KCNQ2: variants seen among roughly 807,000 people sequenced by gnomAD.
KCNQ2 encodes the protein potassium voltage-gated channel subfamily KQT member 2.
In KCNQ2, 14 loss-of-function variants were observed where a neutral mutation model predicts 84.8. The observed-to-expected ratio is 0.17, with a 90% confidence interval of 0.11 to 0.26. The LOEUF (loss-of-function observed/expected upper bound fraction) is 0.26. Among genes scored for constraint, KCNQ2 ranks in the 10% least tolerant of loss-of-function variants. KCNQ2 has a pLI of 1.00. For synonymous variants in KCNQ2, 599 were observed against 554.1 expected (o/e 1.08, Z -1.14); for missense variants, 788 against 1,254.0 (o/e 0.63, Z 5.61).
chr20:63,415,043 G>A lies in KCNQ2; in HGVS notation c.1385C>T (p.Thr462Ile). 6.2e-7 allele frequency: 1 copy of A among 1,608,830 alleles called. No individual in the cohort carries two copies. Among genetic ancestry groups the A allele is most frequent in the South Asian group, 1.1e-5 (1 of 91,082 alleles). Residue 462 changes from threonine (T) to isoleucine (I), a missense_variant, in exon 13 of 17, where the codon ACT becomes ATT. Coordinates refer to ENST00000359125, the MANE Select transcript of KCNQ2 (RefSeq NM_172107.4). The part of the protein sequence containing the change: ...AKGKGSPQAQ[T>I]VRRSPSADQS... ...GTCGGCGCTGGGTGACCGCCTCACA[G>A]TCTGGGCCTGCGGGGACCCCTTCCC...
At position 63,433,824 on chromosome 20, in the gene KCNQ2, G is replaced by T. The variant is rs900170305; in HGVS notation, c.1103C>A (p.Thr368Asn). Reference sequence around the variant, plus strand: ...GCGGCGGTACCTGTACATGGGCACGGTGACCGTTCGCTCGTAGTACTGCCA... The same window carrying T: ...GCGGCGGTACCTGTACATGGGCACGTTGACCGTTCGCTCGTAGTACTGCCA... ...STWQYYERTV[T>N]VPMYSSQTQT... Residue 368 changes from threonine (T) to asparagine (N), a missense_variant, in exon 8 of 17, where the codon ACC becomes AAC. By Grantham distance (65) the Thr-to-Asn change is moderately conservative. Coordinates refer to ENST00000359125, the MANE Select transcript of KCNQ2 (RefSeq NM_172107.4). 3.1e-6 allele frequency: 5 copies of T among 1,613,848 alleles called. No individual in the cohort carries two copies. In the East Asian group the frequency reaches 6.7e-5, roughly 22 times the overall value.
intron 12 of KCNQ2, among the ~76,000 whole-genome samples, chr20:63,415,376 A>G (rs1264597440): frequency 1.2e-4 from 10 of 82,772 alleles, no homozygotes; most frequent in East Asian, 8.6e-4. Context: ...GGCCACGGGG[A>G]CCGAGCACCC....
Position 63,446,127 on chromosome 20 carries a change from G to C in KCNQ2, c.387+620C>G. On this transcript the variant is annotated intron_variant, in intron 2 of 16. Transcript: ENST00000359125. The surrounding 1 kb of genome is among the most constrained non-coding windows in gnomAD (Gnocchi z 5.5). Reference sequence around the variant, plus strand: ...TGAGCCAGTGGGGGACCTGCCTTGAGTTGGGGGGTGCACAGCAGGGCTGAG... The same window carrying C: ...TGAGCCAGTGGGGGACCTGCCTTGACTTGGGGGGTGCACAGCAGGGCTGAG... The C allele has an allele frequency of 3.3e-6, 1 of 299,992 alleles. No homozygotes were observed. Among genetic ancestry groups the C allele is most frequent in the Non-Finnish European group, 6.4e-6 (1 of 156,252 alleles). The allele number at this position is 299,992 out of a possible 1,614,324, so 18.6% of individuals were successfully genotyped here.
intron 11 of KCNQ2, among the ~76,000 whole-genome samples, chr20:63,420,990 G>A (rs771722840): frequency 3.3e-5 from 5 of 152,080 alleles, no homozygotes; most frequent in Admixed American, 6.5e-5. Context: ...CCCCAGCTAC[G>A]ATGACACCCA....
Position 63,460,199 on chromosome 20 carries a change from C to T in KCNQ2, c.296+11969G>A, listed in dbSNP as rs2081914020. On this transcript the variant is annotated intron_variant, in intron 1 of 16. Transcript: ENST00000359125. This position sits in a 1 kb window ranked among gnomAD's most constrained non-coding sequence, Gnocchi z 5.4. Reference sequence around the variant, plus strand: ...ACCCCTGCTTGGCCTGGCCTGGGCTCCTGACCCTGCAGGTCCCTCCCTGGC... The same window carrying T: ...ACCCCTGCTTGGCCTGGCCTGGGCTTCTGACCCTGCAGGTCCCTCCCTGGC... Among the ~76,000 whole-genome samples, 1 of 152,156 alleles carries T rather than the reference C, an allele frequency of 6.6e-6. No individual in the cohort carries two copies. Among genetic ancestry groups the T allele is most frequent in the Admixed American group, 6.5e-5 (1 of 15,288 alleles).
At position 63,433,967 on chromosome 20, in the gene KCNQ2, C is replaced by G. The variant is rs532952076; in HGVS notation, c.1024-64G>C. 4 of 1,476,234 alleles carry G rather than the reference C, an allele frequency of 2.7e-6. No homozygotes were observed. In the South Asian group the frequency reaches 4.6e-5, roughly 17 times the overall value. 91.4% of individuals were successfully genotyped at this position (1,476,234 alleles called of 1,614,324 possible). On this transcript the variant is annotated intron_variant, in intron 7 of 16. Coordinates refer to ENST00000359125, the MANE Select transcript of KCNQ2 (RefSeq NM_172107.4). Reference sequence around the variant, plus strand: ...CGGCGAGGGGCGCGCCCAGGAGGGCCGGGCGTGGAGGGAACGGGGCAGAGG... The same window carrying G: ...CGGCGAGGGGCGCGCCCAGGAGGGCGGGGCGTGGAGGGAACGGGGCAGAGG...
chr20:63,470,284 G>T (rs1300089008), intron 1 of KCNQ2, among the ~76,000 whole-genome samples: 5 of 152,228 alleles, frequency 3.3e-5, no homozygotes, highest in Non-Finnish European at 5.9e-5. Context: ...AGGAGCTGAG[G>T]AGAGGCCTAG....
chr20:63,410,195 G>A (rs1029939135), intron 15 of KCNQ2, among the ~76,000 whole-genome samples: 4 of 152,144 alleles, frequency 2.6e-5, no homozygotes, highest in African/African-American at 9.7e-5. Flanking sequence ...CCTGGTGTTC[G>A]GGGCATCCAC....
chr20:63,405,278 C>G lies in KCNQ2; in HGVS notation c.*1366G>C, dbSNP rs3787133. 6.6e-6 allele frequency: 1 copy of G among 152,286 alleles called. No individual in the cohort carries two copies. The highest frequency in any genetic ancestry group is 2.4e-5 in the African/African-American group (1 of 41,428). 9.4% of individuals were successfully genotyped at this position (152,286 alleles called of 1,614,324 possible). The stretch of plus-strand genomic sequence containing the variant: ...TCTCCAGGGAGCCCAGGCCCGCCTG[C>G]GACGCCGTCACGCCAAATGCCAGAT... On this transcript the variant is annotated 3_prime_UTR_variant, in exon 17 of 17. Coordinates refer to ENST00000359125, the MANE Select transcript of KCNQ2 (RefSeq NM_172107.4).
At position 63,438,552 on chromosome 20, in the gene KCNQ2, G is replaced by A; in HGVS notation, c.1023+73C>T. The A allele has an allele frequency of 3.1e-6, 4 of 1,278,360 alleles. No homozygotes were observed. Among genetic ancestry groups the A allele is most frequent in the Non-Finnish European group, 4.6e-6 (4 of 878,320 alleles). The allele number at this position is 1,278,360 out of a possible 1,614,324, so 79.2% of individuals were successfully genotyped here. Reference sequence around the variant, plus strand: ...CAGACAGGGCAATGCCAAAGCCCCAGCGGCCTCCACTCCTCAACAAGGTGG... The same window carrying A: ...CAGACAGGGCAATGCCAAAGCCCCAACGGCCTCCACTCCTCAACAAGGTGG... On this transcript the variant is annotated intron_variant, in intron 7 of 16. Transcript: ENST00000359125. The surrounding 1 kb of genome is among the most constrained non-coding windows in gnomAD (Gnocchi z 5.1).
Position 63,400,462 on chromosome 20 carries a change from T to C in KCNQ2, c.*6182A>G, listed in dbSNP as rs2145440513. The C allele has an allele frequency of 2.5e-6, 1 of 397,300 alleles. No homozygotes were observed. 24.6% of individuals were successfully genotyped at this position (397,300 alleles called of 1,614,324 possible). A position where few individuals can be genotyped will look rare whatever the true frequency, so the allele number is the denominator to read the frequency against. ...TCCCTGGGCGTCTATCCCTAGAAAATGGACGGTGCACAAAGTTGAGATTGA... is the reference window on the plus strand; with the variant it reads ...TCCCTGGGCGTCTATCCCTAGAAAACGGACGGTGCACAAAGTTGAGATTGA... On this transcript the variant is annotated 3_prime_UTR_variant, in exon 17 of 17. Transcript: ENST00000359125. The surrounding 1 kb of genome is among the most constrained non-coding windows in gnomAD (Gnocchi z 8.7).
At chr20:63,447,326 C>G in intron 1 of KCNQ2, 1 of 163,228 alleles carries the variant, frequency 6.1e-6, no homozygotes, top group Non-Finnish European at 1.3e-5. Flanking sequence ...CAGAGGGCTT[C>G]TCTCTGCCAG....
intron 1 of KCNQ2, among the ~76,000 whole-genome samples, chr20:63,456,414 TC>T (rs1216708599): frequency 6.6e-6 from 1 of 152,146 alleles, no homozygotes; most frequent in East Asian, 1.9e-4. Flanking sequence ...TCAGGCCCCT[TC>T]CCCAGAGGCT....
At chr20:63,419,266 C>T (rs909134072) in intron 12 of KCNQ2, among the ~76,000 whole-genome samples, 4 of 152,170 alleles carry the variant, frequency 2.6e-5, no homozygotes, top group Non-Finnish European at 4.4e-5. Context: ...TCCTCAGGTA[C>T]GCAGCAGAGG....
chr20:63,439,775 C>T (rs565769102), intron 5 of KCNQ2, 67 bp from the exon 6 acceptor site: 26 of 1,219,138 alleles, frequency 2.1e-5, no homozygotes, highest in African/African-American at 8.9e-5. Flanking sequence ...GCTGGACGCC[C>T]GCTGGCGACT....
intron 11 of KCNQ2, among the ~76,000 whole-genome samples, chr20:63,421,690 CG>C: frequency 6.6e-6 from 1 of 151,944 alleles, no homozygotes; most frequent in Non-Finnish European, 1.5e-5. Flanking sequence ...CGAACAGGCA[CG>C]GGGGAGCCCG....
chr20:63,426,575 T>G (rs6062446), intron 10 of KCNQ2, among the ~76,000 whole-genome samples: 8,944 of 152,096 alleles, frequency 0.059, 375 homozygotes, highest in Non-Finnish European at 0.092. Flanking sequence ...CCTCTCATAC[T>G]TTACTATGAG....
In KCNQ2 at chr20:63,414,228, G is replaced by A; in HGVS notation, c.1526-35C>T. 6.7e-7 allele frequency: 1 copy of A among 1,491,576 alleles called. No individual in the cohort carries two copies. The highest frequency in any genetic ancestry group is 9.3e-7 in the Non-Finnish European group (1 of 1,069,840). 92.4% of individuals were successfully genotyped at this position (1,491,576 alleles called of 1,614,324 possible). On this transcript the variant is annotated intron_variant, in intron 13 of 16. Transcript: ENST00000359125. This position sits in a 1 kb window ranked among gnomAD's most constrained non-coding sequence, Gnocchi z 6.6. ...AGGAGACAGGCCGTGAGGGGCCGAG[G>A]GGGCCGGGAGACCTATTCCCGGGGT...
intron 7 of KCNQ2, among the ~76,000 whole-genome samples, chr20:63,435,426 G>C (rs2080966127): frequency 6.6e-6 from 1 of 152,066 alleles, no homozygotes; most frequent in African/African-American, 2.4e-5. Flanking sequence ...TCCTAACGTG[G>C]AGCCTGAAGA....
Sources: gnomAD v4.1 joint callset for allele counts (sites outside exome capture counted in the v4.1 genomes callset) on GRCh38, gnomAD v4.1.1 for gene constraint, Gnocchi (gnomAD v3.1) non-coding constraint, MANE v1.5 for transcripts, NCBI Gene and HGNC (gene_info 2026-07-23, HGNC 2026-07-21) for gene names.